The following XRN1 variants were observed in gnomAD, a reference collection of about 807,000 sequenced individuals.
XRN1 encodes the protein strand-exchange protein 1 homolog.
Under a neutral mutation model 222.3 loss-of-function variants are expected in XRN1, and 67 were observed. The ratio of observed to expected loss-of-function variants is 0.30; its 90% CI spans 0.25 to 0.37. The LOEUF is 0.37. XRN1 is among the 10% of genes least tolerant of loss of function. The probability of loss-of-function intolerance (pLI) is 1.00; values close to 1 mark genes in which losing one functional copy is unlikely to be tolerated. For missense variants in XRN1, 1,707 were observed against 2,000.2 expected (o/e 0.85, Z 2.80); for synonymous variants, 643 against 652.4 (o/e 0.99, Z 0.22).
chr3:142,331,365 T>A (rs1223958650), intron 36 of XRN1, among the ~76,000 whole-genome samples: 1 of 152,142 alleles, frequency 6.6e-6, no homozygotes, highest in Admixed American at 6.6e-5. Context: ...GACTTAAGAG[T>A]ATGACTCACT....
chr3:142,388,935 C>T (rs1280128936), intron 20 of XRN1, among the ~76,000 whole-genome samples: 1 of 152,206 alleles, frequency 6.6e-6, no homozygotes, highest in African/African-American at 2.4e-5. Flanking sequence ...TGGCCGGGTG[C>T]ATTGGCTCAT....
At chr3:142,400,974 T>C (rs555393838) in intron 18 of XRN1, among the ~76,000 whole-genome samples, 1 of 151,428 alleles carries the variant, frequency 6.6e-6, no homozygotes. Context: ...TTTACAAAAT[T>C]CCATCTTCCA....
At chr3:142,413,214 A>G (rs2068655072) in intron 14 of XRN1, among the ~76,000 whole-genome samples, 1 of 152,230 alleles carries the variant, frequency 6.6e-6, no homozygotes, top group South Asian at 2.1e-4. Context: ...AGGTAGACAA[A>G]GAAAGCATAA....
At chr3:142,335,160 C>A (rs1264227421) in intron 34 of XRN1, among the ~76,000 whole-genome samples, 1 of 152,078 alleles carries the variant, frequency 6.6e-6, no homozygotes, top group Admixed American at 6.6e-5. Flanking sequence ...ATATTTTTAT[C>A]TCCACTTAAA....
At chr3:142,325,129 G>A (rs1055637354) in intron 37 of XRN1, among the ~76,000 whole-genome samples, 4 of 152,088 alleles carry the variant, frequency 2.6e-5, no homozygotes, top group African/African-American at 9.7e-5. Context: ...ATCTTTTTGA[G>A]CAATTTCCAT....
chr3:142,362,725 T>A, intron 29 of XRN1, among the ~76,000 whole-genome samples: 1 of 149,768 alleles, frequency 6.7e-6, no homozygotes, highest in Non-Finnish European at 1.5e-5. Context: ...TCTTCCCTTC[T>A]TCTCCTCCTT....
chr3:142,396,888 G>A (rs529211755), intron 20 of XRN1, among the ~76,000 whole-genome samples: 1 of 152,238 alleles, frequency 6.6e-6, no homozygotes, highest in South Asian at 2.1e-4. Flanking sequence ...ATTTCAGTTT[G>A]GCTGCATTCT....
At chr3:142,313,526 G>A (rs762935138) in intron 39 of XRN1, among the ~76,000 whole-genome samples, 16 of 152,218 alleles carry the variant, frequency 1.1e-4, no homozygotes, top group East Asian at 9.6e-4. Flanking sequence ...ACCAGCACAC[G>A]CCACTGAAGA....
intron 18 of XRN1, 71 bp from the exon 19 acceptor site, chr3:142,400,618 T>A (rs2068091409): frequency 1.8e-5 from 22 of 1,217,066 alleles, no homozygotes; most frequent in Non-Finnish European, 2.6e-5. Context: ...GGCAAAATTT[T>A]CCAATCTCCA....
intron 1 of XRN1, among the ~76,000 whole-genome samples, chr3:142,441,866 T>C (rs1156780463): frequency 6.6e-6 from 1 of 152,226 alleles, no homozygotes; most frequent in Non-Finnish European, 1.5e-5. Context: ...AGAGGTTCCC[T>C]TGACGGATCC....
chr3:142,399,226 TAA>T (rs1307102546), intron 19 of XRN1, among the ~76,000 whole-genome samples: 1 of 75,812 alleles, frequency 1.3e-5, no homozygotes, highest in Non-Finnish European at 2.7e-5. Context: ...CTAAAATAGC[TAA>T]AACAATTCTG....
chr3:142,417,185 T>C lies in XRN1; in HGVS notation c.1391A>G (p.Gln464Arg). ...DQAACYVQAI[Q>R]WILHYYYHGV... ...ATGATAGTAATAGTGCAAAATCCAC[T>C]GTATTGCCTGAACATAACATGCAGC... Residue 464 changes from glutamine to arginine, a missense_variant, in exon 13 of 41, where the codon CAG becomes CGG. Physicochemically the swap from Gln to Arg is conservative, Grantham distance 43. Transcript: ENST00000392981. The C allele has an allele frequency of 6.2e-7, 1 of 1,613,826 alleles. No individual in the cohort carries two copies. Among genetic ancestry groups the C allele is most frequent in the Non-Finnish European group, 8.5e-7 (1 of 1,179,896 alleles).
intron 2 of XRN1, among the ~76,000 whole-genome samples, chr3:142,431,414 C>T (rs568441422): frequency 6.6e-6 from 1 of 152,222 alleles, no homozygotes; most frequent in Non-Finnish European, 1.5e-5. Context: ...GACGTGGTGG[C>T]TCACACCTGT....
intron 27 of XRN1, among the ~76,000 whole-genome samples, chr3:142,366,471 C>T (rs760168516): frequency 3.9e-5 from 6 of 152,096 alleles, no homozygotes; most frequent in African/African-American, 1.4e-4. Context: ...CATTTGTATG[C>T]TGTATATTGA....
intron 18 of XRN1, among the ~76,000 whole-genome samples, chr3:142,402,469 C>T (rs182585516): frequency 1.8e-3 from 269 of 152,278 alleles, no homozygotes; most frequent in African/African-American, 6.2e-3. Context: ...AGACGTAAGC[C>T]ACCATGCCCA....
intron 24 of XRN1, chr3:142,376,252 T>C: frequency 3.2e-6 from 2 of 632,700 alleles, no homozygotes; most frequent in South Asian, 2.2e-5. Flanking sequence ...CTCTGATACC[T>C]TTTTTCAAGG....
chr3:142,410,478 C>G (rs948725565), intron 15 of XRN1, among the ~76,000 whole-genome samples: 1 of 132,818 alleles, frequency 7.5e-6, no homozygotes, highest in African/African-American at 2.9e-5. Flanking sequence ...CTGTCAGATT[C>G]TATCTCATGT....
chr3:142,348,126 C>A (rs1469892367), intron 32 of XRN1, among the ~76,000 whole-genome samples: 2 of 151,940 alleles, frequency 1.3e-5, no homozygotes, highest in African/African-American at 4.8e-5. Flanking sequence ...TAGAGCATGG[C>A]AGGGAATGAA....
intron 27 of XRN1, 120 bp from the exon 28 acceptor site, chr3:142,365,486 ATATTTAAAG>A: frequency 1.5e-6 from 1 of 667,958 alleles, no homozygotes; most frequent in Non-Finnish European, 2.2e-6. Context: ...AATTTTTAAA[ATATTTAAAG>A]TTCTGCAGCT....
Sources: gnomAD v4.1 joint callset for allele counts (sites outside exome capture counted in the v4.1 genomes callset) on GRCh38, gnomAD v4.1.1 for gene constraint, MANE v1.5 for transcripts, NCBI Gene and HGNC (gene_info 2026-07-23, HGNC 2026-07-21) for gene names.